The following WWOX variants were observed in gnomAD, a reference collection of about 807,000 sequenced individuals.
WWOX encodes WW domain-containing oxidoreductase.
A neutral mutation model predicts 46.2 loss-of-function variants in WWOX; 69 were observed. The ratio of observed to expected loss-of-function variants is 1.49; its 90% CI spans 1.23 to 1.82. The LOEUF (loss-of-function observed/expected upper bound fraction) is 1.82. Among genes scored for constraint, WWOX ranks in the 40% most tolerant of loss-of-function variants. WWOX has a pLI of 0.00. For missense variants in WWOX, 919 were observed against 542.6 expected (o/e 1.69, Z -6.89); for synonymous variants, 359 against 202.6 (o/e 1.77, Z -6.56).
chr16:78,723,103 G>T (rs1597493633), intron 8 of WWOX, among the ~76,000 whole-genome samples: 2 of 152,126 alleles, frequency 1.3e-5, no homozygotes, highest in African/African-American at 4.8e-5. Context: ...CTACCTTAAG[G>T]CTGATTGAGT....
At chr16:78,559,345 G>A (rs897128754) in intron 8 of WWOX, among the ~76,000 whole-genome samples, 3 of 152,162 alleles carry the variant, frequency 2.0e-5, no homozygotes, top group South Asian at 2.1e-4. Flanking sequence ...GAATAGTCCC[G>A]GCAAGAGATC....
chr16:78,829,407 C>A (rs1053842491), intron 8 of WWOX, among the ~76,000 whole-genome samples: 1 of 152,194 alleles, frequency 6.6e-6, no homozygotes, highest in Non-Finnish European at 1.5e-5. Flanking sequence ...ATGAGATCCA[C>A]CCCTACAGGG....
intron 8 of WWOX, among the ~76,000 whole-genome samples, chr16:78,998,511 C>G (rs1248827047): frequency 6.6e-6 from 1 of 152,184 alleles, no homozygotes; most frequent in Non-Finnish European, 1.5e-5. Context: ...TTGGCCACAC[C>G]TGAAGTCATT....
Position 78,108,483 on chromosome 16 carries a change from AG to A in WWOX, c.170del (p.Gly57GlufsTer23). 1 of 1,613,820 alleles carries A rather than the reference AG, an allele frequency of 6.2e-7. No individual in the cohort carries two copies. Among genetic ancestry groups the A allele is most frequent in the South Asian group, 1.1e-5 (1 of 91,070 alleles). On this transcript the variant is annotated frameshift_variant, in exon 2 of 9. Coordinates refer to ENST00000566780, the MANE Select transcript of WWOX (RefSeq NM_016373.4). LOFTEE classifies it high-confidence loss of function. Reference protein sequence around the residue: ...PKTGKRKRVAGDLPYGWEQET... With the variant: ...PKTGKRKRVAXDLPYGWEQET... ...AAACTGGAAAAAGAAAACGAGTGGC[AG>A]GAGGTTTGTATGTTGTTGTCTAAGG...
chr16:78,988,353 TAAAAA>T (rs35634625), intron 8 of WWOX, among the ~76,000 whole-genome samples: 3 of 132,684 alleles, frequency 2.3e-5, no homozygotes, highest in East Asian at 2.1e-4. Context: ...TCAAAAAAAA[TAAAAA>T]AAAAAAAAAA....
intron 5 of WWOX, among the ~76,000 whole-genome samples, chr16:78,315,394 A>G (rs2080338292): frequency 6.6e-6 from 1 of 152,196 alleles, no homozygotes; most frequent in Non-Finnish European, 1.5e-5. Context: ...CAAGCCTGTA[A>G]TCCCAGCACT....
At chr16:78,180,819 G>A (rs567392385) in intron 5 of WWOX, among the ~76,000 whole-genome samples, 3 of 152,282 alleles carry the variant, frequency 2.0e-5, no homozygotes, top group Admixed American at 1.3e-4. Flanking sequence ...CCCCAGAGCA[G>A]GTGTATACAT....
intron 8 of WWOX, among the ~76,000 whole-genome samples, chr16:78,694,839 C>T (rs2048066369): frequency 1.3e-5 from 2 of 150,830 alleles, no homozygotes; most frequent in Non-Finnish European, 3.0e-5. Flanking sequence ...TTTTTTTCCG[C>T]TGCATTCTGC....
intron 4 of WWOX, among the ~76,000 whole-genome samples, chr16:78,131,214 A>G (rs1255926884): frequency 6.6e-6 from 1 of 152,106 alleles, no homozygotes; most frequent in African/African-American, 2.4e-5. Context: ...AGAACATTTA[A>G]ATTGATTCGC....
intron 5 of WWOX, among the ~76,000 whole-genome samples, chr16:78,327,181 G>A (rs62034379): frequency 2.6e-5 from 4 of 152,170 alleles, no homozygotes; most frequent in South Asian, 2.1e-4. Context: ...AAGTGGCAGC[G>A]ATGGGACCAA....
chr16:79,088,079 G>A (rs969879243), intron 8 of WWOX, among the ~76,000 whole-genome samples: 1 of 152,128 alleles, frequency 6.6e-6, no homozygotes, highest in African/African-American at 2.4e-5. Context: ...CCTCTGTATA[G>A]TGTGAGCTCA....
intron 8 of WWOX, among the ~76,000 whole-genome samples, chr16:78,672,393 G>A (rs779240359): frequency 6.6e-6 from 1 of 152,146 alleles, no homozygotes; most frequent in Non-Finnish European, 1.5e-5. Flanking sequence ...ATACATTGAA[G>A]ACACCAGAAA....
rs983408428 is a variant in WWOX, at chr16:78,485,819, C to T, written c.1056+53067C>T. ...TTATTGAGAGCAAACCTACTTTCCA[C>T]CGCCACTCCTGGATGCACTTATTTT... On this transcript the variant is annotated intron_variant, in intron 8 of 8. Transcript: ENST00000566780. Among the ~76,000 whole-genome samples, 3 of 152,306 alleles carry T rather than the reference C, an allele frequency of 2.0e-5. No homozygotes were observed. In the East Asian group the frequency reaches 5.8e-4, roughly 29 times the overall value.
intron 5 of WWOX, among the ~76,000 whole-genome samples, chr16:78,225,019 A>G (rs1054932462): frequency 1.3e-5 from 2 of 152,236 alleles, no homozygotes; most frequent in East Asian, 3.8e-4. Flanking sequence ...ACCTGTGGTT[A>G]TGTATATCAC....
At chr16:78,970,454 A>G (rs1325476883) in intron 8 of WWOX, among the ~76,000 whole-genome samples, 2 of 152,208 alleles carry the variant, frequency 1.3e-5, no homozygotes, top group Non-Finnish European at 2.9e-5. Context: ...TTGAGCGATC[A>G]CAGTTTATTT....
chr16:79,169,392 C>T (rs1281524546), intron 8 of WWOX, among the ~76,000 whole-genome samples: 2 of 152,206 alleles, frequency 1.3e-5, no homozygotes, highest in African/African-American at 4.8e-5. Context: ...TCTTCATCTG[C>T]AAGTTGGAGG....
chr16:79,107,263 T>A (rs1225458633), intron 8 of WWOX, among the ~76,000 whole-genome samples: 7 of 149,072 alleles, frequency 4.7e-5, no homozygotes, highest in Non-Finnish European at 3.0e-5. Context: ...TTATTTGTTA[T>A]TTTTGATCTC....
chr16:78,875,792 C>T (rs1275302689), intron 8 of WWOX, among the ~76,000 whole-genome samples: 10 of 152,158 alleles, frequency 6.6e-5, no homozygotes, highest in African/African-American at 2.2e-4. Flanking sequence ...GATAATCCTA[C>T]AATTGGTGAC....
At chr16:78,996,698 G>C (rs1166542579) in intron 8 of WWOX, among the ~76,000 whole-genome samples, 3 of 152,060 alleles carry the variant, frequency 2.0e-5, no homozygotes, top group Non-Finnish European at 4.4e-5. Flanking sequence ...AATATGGCCA[G>C]GTACAGTGAC....
Sources: gnomAD v4.1 joint callset for allele counts (sites outside exome capture counted in the v4.1 genomes callset) on GRCh38, gnomAD v4.1.1 for gene constraint, MANE v1.5 for transcripts, NCBI Gene and HGNC (gene_info 2026-07-23, HGNC 2026-07-21) for gene names.